The following SDE2 variants were observed in gnomAD, a reference collection of about 807,000 sequenced individuals.
SDE2 encodes the protein spliceosome associated SDE2, also known as splicing regulator SDE2.
Under a neutral mutation model 46.9 loss-of-function variants are expected in SDE2, and 31 were observed. That is an observed-to-expected ratio of 0.66 (90% confidence interval 0.50 to 0.89). SDE2 has a LOEUF of 0.89. SDE2 is among the 40% of genes least tolerant of loss of function. The probability of loss-of-function intolerance (pLI) is 0.00; values close to 1 mark genes in which losing one functional copy is unlikely to be tolerated. For missense variants in SDE2, 542 were observed against 564.4 expected (o/e 0.96, Z 0.40); for synonymous variants, 205 against 204.3 (o/e 1.00, Z -0.03).
In SDE2 at chr1:225,997,872, T is replaced by G. The variant is rs373227498; in HGVS notation, c.120+1321A>C. ...TAGGCCGGGAGGAGTGGCTCAAGCC[T>G]GTAATCCCAGCACTTTGTGAGGCTG... On this transcript the variant is annotated intron_variant, in intron 1 of 6. Transcript: ENST00000272091. Among the ~76,000 whole-genome samples the G allele has an allele frequency of 6.8e-4, 103 of 152,284 alleles. 1 individual carries two copies. Among genetic ancestry groups the G allele is most frequent in the African/African-American group, 2.4e-3 (98 of 41,578 alleles).
At chr1:225,994,564 TAAAC>T (rs1398327246) in intron 2 of SDE2, among the ~76,000 whole-genome samples, 1 of 152,228 alleles carries the variant, frequency 6.6e-6, no homozygotes, top group Non-Finnish European at 1.5e-5. Context: ...GTAGTTGTGT[TAAAC>T]AAACAAAACC....
chr1:225,989,646 A>G (rs917854270), intron 5 of SDE2, among the ~76,000 whole-genome samples: 3 of 151,398 alleles, frequency 2.0e-5, no homozygotes, highest in African/African-American at 7.3e-5. Flanking sequence ...AAAAAAAAAG[A>G]AGGAAAATTA....
rs968330100 is a variant in SDE2 at position 225,983,354 on chromosome 1, A to C, written c.*1948T>G. The C allele has an allele frequency of 6.6e-6, 1 of 152,202 alleles. No homozygotes were observed. The highest frequency in any genetic ancestry group is 1.5e-5 in the Non-Finnish European group (1 of 68,040). The allele number at this position is 152,202 out of a possible 1,614,324, so 9.4% of individuals were successfully genotyped here. A position where few individuals can be genotyped will look rare whatever the true frequency, so the allele number is the denominator to read the frequency against. ...ACATTAGGAAGACATAAGTTATTAG[A>C]GCTTCATACAAAAACTGGTAGAATT... On this transcript the variant is annotated 3_prime_UTR_variant, in exon 7 of 7. Transcript: ENST00000272091.
At chr1:225,993,103 T>A in intron 2 of SDE2, 101 bp from the exon 3 acceptor site, 2 of 495,130 alleles carry the variant, frequency 4.0e-6, no homozygotes, top group Non-Finnish European at 7.0e-6. Context: ...AACAATGATC[T>A]CTACTTTCTT....
In SDE2 at chr1:225,983,638, A is replaced by G. The variant is rs959492015; in HGVS notation, c.*1664T>C. On this transcript the variant is annotated 3_prime_UTR_variant, in exon 7 of 7. Coordinates refer to ENST00000272091, the MANE Select transcript of SDE2 (RefSeq NM_152608.4). ...CCCACCTCAGCCTCTCAAATTACAG[A>G]TTACAGCTGTAATCTCAGCATGTAA... 1 of 151,528 alleles carries G rather than the reference A, an allele frequency of 6.6e-6. No homozygotes were observed. The highest frequency in any genetic ancestry group is 2.4e-5 in the African/African-American group (1 of 41,378). 9.4% of individuals were successfully genotyped at this position (151,528 alleles called of 1,614,324 possible). A position where few individuals can be genotyped will look rare whatever the true frequency, so the allele number is the denominator to read the frequency against.
intron 2 of SDE2, among the ~76,000 whole-genome samples, chr1:225,994,902 C>T (rs999066489): frequency 1.3e-5 from 2 of 152,142 alleles, no homozygotes; most frequent in African/African-American, 2.4e-5. Flanking sequence ...AAATTAGCTG[C>T]GCATGGTGGC....
chr1:225,992,005 C>G (rs1656410840), intron 4 of SDE2, among the ~76,000 whole-genome samples: 1 of 152,078 alleles, frequency 6.6e-6, no homozygotes, highest in Non-Finnish European at 1.5e-5. Flanking sequence ...ATGGTGAAAC[C>G]CTGACTGTAC....
chr1:225,985,573 TAAAG>T (rs1342443890), intron 6 of SDE2, 50 bp from the exon 7 acceptor site: 2 of 1,170,972 alleles, frequency 1.7e-6, no homozygotes, highest in Non-Finnish European at 2.5e-6. Context: ...TTCCTCTGAA[TAAAG>T]ACTCTTTAAC....
intron 1 of SDE2, 99 bp from the exon 2 acceptor site, chr1:225,995,482 C>T: frequency 3.3e-6 from 2 of 601,008 alleles, no homozygotes; most frequent in Non-Finnish European, 6.0e-6. Context: ...CTGGTTACAA[C>T]AGAGGGTGTT....
At chr1:225,985,731 G>A (rs1656254783) in intron 6 of SDE2, among the ~76,000 whole-genome samples, 1 of 152,100 alleles carries the variant, frequency 6.6e-6, no homozygotes, top group Non-Finnish European at 1.5e-5. Flanking sequence ...TTAGAAACAA[G>A]CATTCAGAAC....
chr1:225,983,577 A>C lies in SDE2; in HGVS notation c.*1725T>G, dbSNP rs1019502312. Reference sequence around the variant, plus strand: ...TTGTTTTTCTTAGAGACATGGTCTCACTATACATTGCCCAGGCTGGTCTCG... The same window carrying C: ...TTGTTTTTCTTAGAGACATGGTCTCCCTATACATTGCCCAGGCTGGTCTCG... On this transcript the variant is annotated 3_prime_UTR_variant, in exon 7 of 7. Transcript: ENST00000272091. 6.6e-6 allele frequency: 1 copy of C among 152,204 alleles called. No individual in the cohort carries two copies. 9.4% of individuals were successfully genotyped at this position (152,204 alleles called of 1,614,324 possible). A position where few individuals can be genotyped will look rare whatever the true frequency, so the allele number is the denominator to read the frequency against.
rs573162911 is a variant in SDE2, at chr1:225,983,025, TATAAA to T, written c.*2272_*2276del. 3.0e-4 allele frequency: 46 copies of T among 152,224 alleles called. 1 individual carries two copies. In the East Asian group the frequency reaches 8.1e-3, roughly 27 times the overall value. The allele number at this position is 152,224 out of a possible 1,614,324, so 9.4% of individuals were successfully genotyped here. A position where few individuals can be genotyped will look rare whatever the true frequency, so the allele number is the denominator to read the frequency against. On this transcript the variant is annotated 3_prime_UTR_variant, in exon 7 of 7. Transcript: ENST00000272091. Reference sequence around the variant, plus strand: ...AAGAGCCAATAAATTAAAATACAATTATAAAATAATCTTATCTAAACAGGAAACAT... The same window carrying T: ...AAGAGCCAATAAATTAAAATACAATTATAATCTTATCTAAACAGGAAACAT...
chr1:225,991,956 C>A lies in SDE2; in HGVS notation c.520+442G>T, dbSNP rs570360257. On this transcript the variant is annotated intron_variant, in intron 4 of 6. Transcript: ENST00000272091. ...TTGGCTGGGCTCATGCCTGTAATCC[C>A]AAGCACGAGGTTAGGAGTTTGAGAC... 2.0e-5 allele frequency among the ~76,000 whole-genome samples: 3 copies of A among 152,266 alleles called. No individual in the cohort carries two copies. The South Asian group carries it at 6.2e-4, about 32-fold the overall frequency.
At chr1:225,993,236 T>C (rs1439226287) in intron 2 of SDE2, among the ~76,000 whole-genome samples, 6 of 152,214 alleles carry the variant, frequency 3.9e-5, no homozygotes, top group Middle Eastern at 6.8e-3. Flanking sequence ...ATAAAATACC[T>C]AGCCTTCCCA....
At position 225,982,966 on chromosome 1, in the gene SDE2, C is replaced by A. The variant is rs1160333883; in HGVS notation, c.*2336G>T. 1 of 151,702 alleles carries A rather than the reference C, an allele frequency of 6.6e-6. No homozygotes were observed. The highest frequency in any genetic ancestry group is 1.5e-5 in the Non-Finnish European group (1 of 67,930). 9.4% of individuals were successfully genotyped at this position (151,702 alleles called of 1,614,324 possible). A position where few individuals can be genotyped will look rare whatever the true frequency, so the allele number is the denominator to read the frequency against. On this transcript the variant is annotated 3_prime_UTR_variant, in exon 7 of 7. Coordinates refer to ENST00000272091, the MANE Select transcript of SDE2 (RefSeq NM_152608.4). ...ATGTATATTGTAATCACTAGAACAT[C>A]CAACTTAAAAAAATTATTAAAACAG...
chr1:225,993,623 A>G (rs1398405101), intron 2 of SDE2, among the ~76,000 whole-genome samples: 6 of 152,168 alleles, frequency 3.9e-5, no homozygotes, highest in Admixed American at 3.3e-4. Flanking sequence ...AAAAAAAAAA[A>G]AAGAAGCTTT....
In SDE2 at chr1:225,999,211, G is replaced by GT; in HGVS notation, c.101dup (p.His34GlnfsTer24). 2.5e-6 allele frequency: 4 copies of GT among 1,612,474 alleles called. No individual in the cohort carries two copies. The highest frequency in any genetic ancestry group is 1.3e-5 in the African/African-American group (1 of 74,970). On this transcript the variant is annotated frameshift_variant, in exon 1 of 7. Transcript: ENST00000272091. LOFTEE classifies it high-confidence loss of function. ...TCCTCACCTGATCTTGGCAGTGCCG[G>GT]TGGATAAAATCCCGGACGGTGCACC...
rs769595056 is a variant in SDE2 at position 225,988,176 on chromosome 1, G to A, written c.854C>T (p.Pro285Leu). Residue 285 changes from proline (P) to leucine (L), a missense_variant, in exon 6 of 7, where the codon CCG becomes CTG. Pro to Leu is a moderately conservative substitution (Grantham distance 98). Coordinates refer to ENST00000272091, the MANE Select transcript of SDE2 (RefSeq NM_152608.4). The stretch of plus-strand genomic sequence containing the variant: ...AATATGCCTCCCAGAGTCAGTCACC[G>A]GGATCTGCAGTTGTTCTGGTGATCC... ...DHGSPEQLQI[P>L]VTDSGRHILE... 33 of 1,613,970 alleles carry A rather than the reference G, an allele frequency of 2.0e-5. No homozygotes were observed. Among genetic ancestry groups the A allele is most frequent in the South Asian group, 3.3e-5 (3 of 91,084 alleles).
In SDE2 at chr1:225,985,307, T is replaced by C. The variant is rs780938541; in HGVS notation, c.1351A>G (p.Lys451Glu). The C allele has an allele frequency of 7.4e-6, 12 of 1,613,192 alleles. No individual in the cohort carries two copies. The highest frequency in any genetic ancestry group is 8.5e-6 in the Non-Finnish European group (10 of 1,179,226). Residue 451 changes from lysine (K) to glutamate (E), a missense_variant, in exon 7 of 7, where the codon AAA becomes GAA. Around this residue, in one of 3 missense-constraint regions of SDE2, gnomAD observed 401 missense variants for 437.8 expected, o/e 0.92. Coordinates refer to ENST00000272091, the MANE Select transcript of SDE2 (RefSeq NM_152608.4). ...GGAATCAGCTCTGATGATACTCATT[T>C]TTTCTTCCCTTTCAAAGGCTTGGCA... Reference protein sequence around the residue: ...LFAKPLKGKKK With the variant: ...LFAKPLKGKKE
Sources: gnomAD v4.1 joint callset for allele counts (sites outside exome capture counted in the v4.1 genomes callset) on GRCh38, gnomAD v4.1.1 for gene constraint, gnomAD v4.1.1 regional missense constraint, MANE v1.5 for transcripts, NCBI Gene and HGNC (gene_info 2026-07-23, HGNC 2026-07-21) for gene names.